The following GLI3 variants were observed in gnomAD, a reference collection of about 807,000 sequenced individuals.
The protein encoded by GLI3 is transcription activator GLI3.
Under a neutral mutation model 100.8 loss-of-function variants are expected in GLI3, and 20 were observed. The observed-to-expected ratio is 0.20, with a 90% confidence interval of 0.14 to 0.29. The LOEUF (loss-of-function observed/expected upper bound fraction) is 0.29. GLI3 is among the 10% of genes least tolerant of loss of function. The pLI, the probability that GLI3 is intolerant of heterozygous loss-of-function variation, is 1.00. For missense variants in GLI3, 2,040 were observed against 2,128.5 expected (o/e 0.96, Z 0.82); for synonymous variants, 938 against 860.5 (o/e 1.09, Z -1.58).
chr7:42,201,117 T>C (rs1022335913), intron 2 of GLI3, among the ~76,000 whole-genome samples: 3 of 152,204 alleles, frequency 2.0e-5, no homozygotes, highest in Non-Finnish European at 4.4e-5. Flanking sequence ...GTCTATCGAT[T>C]AGGCACAGTA....
In GLI3 at chr7:42,223,189, T is replaced by C. The variant is rs780737199; in HGVS notation, c.65A>G (p.Lys22Arg). ...GCTCACATCTGTTCGAGTGGAGCACTTCACTATGGAATTCTCAACTTTTTT... is the reference window on the plus strand; with the variant it reads ...GCTCACATCTGTTCGAGTGGAGCACCTCACTATGGAATTCTCAACTTTTTT... ...EKKKVENSIVKCSTRTDVSEK... is the reference protein window; with the variant it reads ...EKKKVENSIVRCSTRTDVSEK... Residue 22 changes from lysine (K) to arginine (R), a missense_variant, in exon 2 of 15, where the codon AAG becomes AGG. Transcript: ENST00000395925. The C allele has an allele frequency of 1.2e-6, 2 of 1,613,990 alleles. No homozygotes were observed. The highest frequency in any genetic ancestry group is 1.7e-6 in the Non-Finnish European group (2 of 1,179,916).
chr7:42,262,017 CCT>C (rs768412101), intron 1 of GLI3, among the ~76,000 whole-genome samples: 15 of 119,802 alleles, frequency 1.3e-4, no homozygotes, highest in Non-Finnish European at 1.8e-4. Flanking sequence ...TTCTTTCCTT[CCT>C]CTCTCTCTCT....
intron 10 of GLI3, among the ~76,000 whole-genome samples, chr7:42,012,362 T>C (rs1015261687): frequency 3.9e-5 from 6 of 152,268 alleles, no homozygotes; most frequent in African/African-American, 7.2e-5. Flanking sequence ...GATTTTAGAA[T>C]CCACCTTGCT....
intron 2 of GLI3, among the ~76,000 whole-genome samples, chr7:42,169,832 G>A (rs959620370): frequency 6.6e-6 from 1 of 151,956 alleles, no homozygotes; most frequent in African/African-American, 2.4e-5. Context: ...TCTGTGAGAA[G>A]TCAATTACTT....
At chr7:42,160,259 C>T (rs762849449) in intron 2 of GLI3, among the ~76,000 whole-genome samples, 1 of 152,194 alleles carries the variant, frequency 6.6e-6, no homozygotes, top group Non-Finnish European at 1.5e-5. Flanking sequence ...GAGCCCTGGG[C>T]CAGGCATTGG....
chr7:42,094,432 G>A (rs565453114), intron 3 of GLI3, among the ~76,000 whole-genome samples: 16 of 148,314 alleles, frequency 1.1e-4, no homozygotes, highest in East Asian at 2.0e-4. Context: ...GTAAAACCCC[G>A]TCTCTACTAA....
upstream of GLI3, among the ~76,000 whole-genome samples, chr7:42,241,547 C>T (rs1002811601): frequency 2.6e-5 from 4 of 152,234 alleles, no homozygotes; most frequent in East Asian, 1.9e-4. Context: ...AGCCTCCCCA[C>T]GCTGACTGGC....
chr7:42,172,367 A>C (rs1239356802), intron 2 of GLI3: 2 of 594,910 alleles, frequency 3.4e-6, no homozygotes, highest in Non-Finnish European at 6.0e-6. Context: ...CGCATGTCTT[A>C]ACTCACTGCC....
intron 3 of GLI3, among the ~76,000 whole-genome samples, chr7:42,141,329 T>C (rs1025966557): frequency 6.6e-6 from 1 of 152,136 alleles, no homozygotes; most frequent in African/African-American, 2.4e-5. Context: ...AAAATTACGG[T>C]CCCCATCCAA....
chr7:42,131,779 C>A (rs1786282805), intron 3 of GLI3, among the ~76,000 whole-genome samples: 2 of 152,090 alleles, frequency 1.3e-5, no homozygotes, highest in Admixed American at 1.3e-4. Flanking sequence ...TTACAACACT[C>A]TTTAAAGTTA....
Position 42,005,458 on chromosome 7 carries a change from T to TACACACACACACAC in GLI3, c.1497+17996_1497+18009dup, listed in dbSNP as rs3030321. ...AAACATTTTTTATCCTGAATTCACA[T>TACACACACACACAC]ACACACACACACACACACACACACA... On this transcript the variant is annotated intron_variant, in intron 10 of 14. Transcript: ENST00000395925. Among the ~76,000 whole-genome samples the TACACACACACACAC allele has an allele frequency of 4.9e-3, 702 of 143,600 alleles. 2 individuals are homozygous for TACACACACACACAC. Among genetic ancestry groups the TACACACACACACAC allele is most frequent in the Admixed American group, 6.5e-3 (94 of 14,490 alleles). The allele number at this position is 143,600 out of a possible 152,430, so 94.2% of individuals were successfully genotyped here. A position where few individuals can be genotyped will look rare whatever the true frequency, so the allele number is the denominator to read the frequency against.
chr7:42,092,253 G>A (rs962868070), intron 3 of GLI3, among the ~76,000 whole-genome samples: 2 of 152,174 alleles, frequency 1.3e-5, no homozygotes, highest in African/African-American at 2.4e-5. Context: ...AAACACCAAA[G>A]CGAGCAGCTA....
chr7:42,146,280 T>C (rs1257654336), intron 3 of GLI3, among the ~76,000 whole-genome samples: 1 of 152,126 alleles, frequency 6.6e-6, no homozygotes, highest in East Asian at 1.9e-4. Context: ...CCCTAAGAGC[T>C]CTCCCGTGCC....
chr7:42,141,374 T>C (rs1786563300), intron 3 of GLI3, among the ~76,000 whole-genome samples: 2 of 152,274 alleles, frequency 1.3e-5, no homozygotes, highest in Non-Finnish European at 2.9e-5. Flanking sequence ...TTCCAAAGAA[T>C]CGAAGTCCCT....
intron 2 of GLI3, among the ~76,000 whole-genome samples, chr7:42,174,222 C>T (rs1344109918): frequency 6.6e-6 from 1 of 152,106 alleles, no homozygotes; most frequent in East Asian, 1.9e-4. Context: ...GAACACCCAT[C>T]ATCTGGGTAA....
chr7:42,119,864 G>T (rs846400), intron 3 of GLI3, among the ~76,000 whole-genome samples: 108,003 of 152,046 alleles, frequency 0.71, 40,060 homozygotes, highest in African/African-American at 0.92. Flanking sequence ...TCTACCCCCT[G>T]TTTGGTTCCC....
Position 42,045,408 on chromosome 7 carries a change from T to G in GLI3, c.802A>C (p.Met268Leu). ...CTATCCATAGCATGAAGATATTCCA[T>G]GTGGATGGCCCCCGTGCCGGCGGTG... ...AATAGTGAIH[M>L]EYLHAMDSTR... Residue 268 changes from methionine to leucine, a missense_variant, in exon 6 of 15, where the codon ATG becomes CTG. Around this residue, in one of 5 missense-constraint regions of GLI3, gnomAD observed 603 missense variants for 690.9 expected, o/e 0.87. Transcript: ENST00000395925. 3 of 1,613,994 alleles carry G rather than the reference T, an allele frequency of 1.9e-6. No individual in the cohort carries two copies. Among genetic ancestry groups the G allele is most frequent in the Non-Finnish European group, 2.5e-6 (3 of 1,179,852 alleles).
Position 42,003,381 on chromosome 7 carries a change from A to C in GLI3, c.1497+20087T>G, listed in dbSNP as rs970455968. ...GAGAAAAATATTTCCTAAAAGACAC[A>C]ATTAAAATTTAACATAGCAGCATAA... On this transcript the variant is annotated intron_variant, in intron 10 of 14. Coordinates refer to ENST00000395925, the MANE Select transcript of GLI3 (RefSeq NM_000168.6). Among the ~76,000 whole-genome samples, 4 of 152,180 alleles carry C rather than the reference A, an allele frequency of 2.6e-5. No homozygotes were observed. In the East Asian group the frequency reaches 5.8e-4, roughly 22 times the overall value.
chr7:42,019,483 T>C (rs1788874139), intron 10 of GLI3, among the ~76,000 whole-genome samples: 1 of 152,200 alleles, frequency 6.6e-6, no homozygotes, highest in Non-Finnish European at 1.5e-5. Context: ...TGGAAGAAGT[T>C]GGGCTGAGCT....
Sources: gnomAD v4.1 joint callset for allele counts (sites outside exome capture counted in the v4.1 genomes callset) on GRCh38, gnomAD v4.1.1 for gene constraint, gnomAD v4.1.1 regional missense constraint, MANE v1.5 for transcripts, NCBI Gene and HGNC (gene_info 2026-07-23, HGNC 2026-07-21) for gene names.